The following SLIT3 variants were observed in gnomAD, a reference collection of about 807,000 sequenced individuals.
The protein encoded by SLIT3 is slit guidance ligand 3.
SLIT3 carries 68 observed loss-of-function variants against 184.0 expected under a neutral mutation model. The observed-to-expected ratio is 0.37, with a 90% CI of 0.30 to 0.45. The LOEUF is 0.45. SLIT3 is among the 20% of genes least tolerant of loss of function. The pLI is 1.00. For missense variants in SLIT3, 1,707 were observed against 2,026.0 expected (o/e 0.84, Z 3.02); for synonymous variants, 831 against 828.6 (o/e 1.00, Z -0.05).
At chr5:168,716,050 C>T (rs1278924048) in intron 23 of SLIT3, among the ~76,000 whole-genome samples, 2 of 149,048 alleles carry the variant, frequency 1.3e-5, no homozygotes, top group East Asian at 4.0e-4. Flanking sequence ...TCACTGTAAC[C>T]TCGACCTCCT....
intron 1 of SLIT3, among the ~76,000 whole-genome samples, chr5:169,294,411 T>C (rs1057388501): frequency 2.0e-5 from 3 of 146,898 alleles, no homozygotes; most frequent in African/African-American, 5.1e-5. Flanking sequence ...TCCCTTTTTA[T>C]GGAACAGAAG....
chr5:168,915,908 A>G (rs1331953977), intron 4 of SLIT3, among the ~76,000 whole-genome samples: 3 of 152,238 alleles, frequency 2.0e-5, no homozygotes, highest in African/African-American at 7.2e-5. Context: ...TGGACTGTAT[A>G]TGGGATGACA....
rs550037035 is a variant in SLIT3 at position 168,713,239 on chromosome 5, G to A, written c.2484-885C>T. Among the ~76,000 whole-genome samples the A allele has an allele frequency of 3.0e-4, 46 of 152,272 alleles. 1 individual carries two copies. Among genetic ancestry groups the A allele is most frequent in the Middle Eastern group, 3.4e-3 (1 of 294 alleles). On this transcript the variant is annotated intron_variant, in intron 23 of 35. Transcript: ENST00000519560. ...TTCCCACAGCACGTTGGAGGGGCCG[G>A]GCACCCCACTTGGTATTAATCATGC...
chr5:168,673,338 A>G lies in SLIT3; in HGVS notation c.3687-7T>C, dbSNP rs776061010. On this transcript the variant is annotated splice_region_variant and splice_polypyrimidine_tract_variant and intron_variant, in intron 32 of 35. Transcript: ENST00000519560. ...ATCATTCACTGTCTCCACACTGGCC[A>G]GTAGAGAAGGGGAGAAAGCCGGAGA... 6.2e-7 allele frequency: 1 copy of G among 1,614,060 alleles called. No homozygotes were observed. The highest frequency in any genetic ancestry group is 2.2e-5 in the East Asian group (1 of 44,882).
chr5:168,808,722 T>C (rs1581104314), intron 8 of SLIT3, among the ~76,000 whole-genome samples: 1 of 152,324 alleles, frequency 6.6e-6, no homozygotes, highest in East Asian at 1.9e-4. Context: ...CTAACATCTT[T>C]ACCTCCCCTG....
intron 1 of SLIT3, among the ~76,000 whole-genome samples, chr5:169,253,749 C>T (rs1430426390): frequency 6.6e-6 from 1 of 152,166 alleles, no homozygotes; most frequent in South Asian, 2.1e-4. Context: ...GCCCCATACC[C>T]CAAACTTTGT....
In SLIT3 at chr5:168,754,016, A is replaced by C. The variant is rs1319745950; in HGVS notation, c.1686-9T>G. 6.4e-7 allele frequency: 1 copy of C among 1,562,218 alleles called. No homozygotes were observed. Among genetic ancestry groups the C allele is most frequent in the African/African-American group, 1.4e-5 (1 of 73,820 alleles). On this transcript the variant is annotated splice_polypyrimidine_tract_variant and intron_variant, in intron 16 of 35. Coordinates refer to ENST00000519560, the MANE Select transcript of SLIT3 (RefSeq NM_003062.4). ...TATTGTTACTCAGATTTCTAGAAGGAAGAAACAGAATAGGGGAGAATCAAA... is the reference window on the plus strand; with the variant it reads ...TATTGTTACTCAGATTTCTAGAAGGCAGAAACAGAATAGGGGAGAATCAAA...
At position 169,273,790 on chromosome 5, in the gene SLIT3, G is replaced by A. The variant is rs1010566990; in HGVS notation, c.198-22331C>T. ...CCAGCTAATATTTACCAAATATCTA[G>A]TGTGTGCAATGTTCTGCAGAAGGTC... On this transcript the variant is annotated intron_variant, in intron 1 of 35. Transcript: ENST00000519560. 1.2e-3 allele frequency among the ~76,000 whole-genome samples: 186 copies of A among 152,268 alleles called. 1 individual carries two copies. The highest frequency in any genetic ancestry group is 1.8e-4 in the Non-Finnish European group (12 of 68,030).
At chr5:168,703,668 T>C (rs1257067779) in intron 26 of SLIT3, among the ~76,000 whole-genome samples, 1 of 151,952 alleles carries the variant, frequency 6.6e-6, no homozygotes, top group Non-Finnish European at 1.5e-5. Context: ...TAAAAGACAC[T>C]GGGGGCTGGG....
chr5:168,744,022 G>A (rs893148619), intron 20 of SLIT3, among the ~76,000 whole-genome samples: 1 of 152,206 alleles, frequency 6.6e-6, no homozygotes, highest in African/African-American at 2.4e-5. Flanking sequence ...GGGCGCAGCG[G>A]CTCACACATG....
intron 4 of SLIT3, among the ~76,000 whole-genome samples, chr5:168,975,081 C>T (rs1256670474): frequency 1.3e-5 from 2 of 152,182 alleles, no homozygotes; most frequent in Admixed American, 6.5e-5. Context: ...ACACAGACCC[C>T]CCTACTGAGC....
intron 4 of SLIT3, among the ~76,000 whole-genome samples, chr5:169,034,155 C>CAT (rs1757145009): frequency 6.6e-6 from 1 of 152,110 alleles, no homozygotes; most frequent in Non-Finnish European, 1.5e-5. Flanking sequence ...AACCCTTTAC[C>CAT]ATATATATGG....
chr5:168,807,322 A>G (rs1174481037), intron 8 of SLIT3, among the ~76,000 whole-genome samples: 1 of 152,150 alleles, frequency 6.6e-6, no homozygotes, highest in African/African-American at 2.4e-5. Context: ...TACTAACCCA[A>G]CTCAAGATTC....
At chr5:168,687,932 C>T (rs1232267748) in intron 29 of SLIT3, among the ~76,000 whole-genome samples, 1 of 152,200 alleles carries the variant, frequency 6.6e-6, no homozygotes, top group African/African-American at 2.4e-5. Context: ...TCTGGCCCTT[C>T]CTAAAAGAGT....
chr5:169,062,435 CT>C (rs1470391756), intron 4 of SLIT3, among the ~76,000 whole-genome samples: 3 of 152,270 alleles, frequency 2.0e-5, no homozygotes, highest in Admixed American at 2.0e-4. Flanking sequence ...TAGGCAAGGA[CT>C]CATCATCTTT....
At chr5:168,893,775 G>T (rs1760559229) in intron 4 of SLIT3, among the ~76,000 whole-genome samples, 1 of 152,158 alleles carries the variant, frequency 6.6e-6, no homozygotes, top group Non-Finnish European at 1.5e-5. Flanking sequence ...AATGAAGTGT[G>T]TGCATTTGGC....
At chr5:169,130,846 A>G (rs1761270914) in intron 4 of SLIT3, among the ~76,000 whole-genome samples, 1 of 152,366 alleles carries the variant, frequency 6.6e-6, no homozygotes, top group African/African-American at 2.4e-5. Flanking sequence ...GAGGAGCTCA[A>G]CATAATGTTG....
chr5:168,867,318 T>A (rs1268488219), intron 5 of SLIT3, among the ~76,000 whole-genome samples: 4 of 152,254 alleles, frequency 2.6e-5, no homozygotes, highest in Non-Finnish European at 5.9e-5. Context: ...TCGTTGACTC[T>A]ACTTTGTTCT....
intron 4 of SLIT3, among the ~76,000 whole-genome samples, chr5:168,944,460 G>T (rs1430237869): frequency 6.6e-6 from 1 of 152,176 alleles, no homozygotes; most frequent in Non-Finnish European, 1.5e-5. Context: ...ACCCAGTTGA[G>T]AAAATGGTTT....
Sources: allele counts gnomAD v4.1 joint callset (sites outside exome capture counted in the v4.1 genomes callset), GRCh38; gene constraint gnomAD v4.1.1; transcripts MANE v1.5; gene names NCBI Gene and HGNC (gene_info 2026-07-23, HGNC 2026-07-21).